DHX35: variants seen among roughly 807,000 people sequenced by gnomAD.
DHX35 encodes DEAH-box helicase 35.
A neutral mutation model predicts 99.6 loss-of-function variants in DHX35; 84 were observed. The observed-to-expected ratio is 0.84, with a 90% CI of 0.71 to 1.01. The LOEUF (loss-of-function observed/expected upper bound fraction) is 1.01. DHX35 is among the 50% of genes least tolerant of loss of function. DHX35 has a pLI of 0.00. For synonymous variants in DHX35, 331 were observed against 316.2 expected, an observed-to-expected ratio of 1.05 and a Z score of -0.50; for missense variants, 852 against 888.5, an observed-to-expected ratio of 0.96 and a Z score of 0.52.
At chr20:39,010,255 A>G in intron 12 of DHX35, 25 bp from the exon 13 acceptor site, 2 of 1,614,030 alleles carry the variant, frequency 1.2e-6, no homozygotes, top group Non-Finnish European at 1.7e-6. Context: ...TTTGGTCCCA[A>G]ACAGTTCTGA....
At chr20:38,978,363 A>T in intron 3 of DHX35, 2 of 726,196 alleles carry the variant, frequency 2.8e-6, no homozygotes, top group Non-Finnish European at 5.1e-6. Flanking sequence ...TTAGTTCACA[A>T]CCAAAAAGAT....
At chr20:38,999,422 A>T (rs2086482373) in intron 8 of DHX35, among the ~76,000 whole-genome samples, 1 of 151,952 alleles carries the variant, frequency 6.6e-6, no homozygotes, top group African/African-American at 2.4e-5. Context: ...GGCAGTCTTG[A>T]CTGTGTGCTT....
intron 14 of DHX35, among the ~76,000 whole-genome samples, chr20:39,017,303 TTCAGCTGGATTTACATAAGA>T (rs1365388835): frequency 6.6e-6 from 1 of 152,198 alleles, no homozygotes; most frequent in East Asian, 1.9e-4. Flanking sequence ...TTAAAAGACC[TTCAGCTGGATTTACATAAGA>T]TCAGCCTGGA....
At chr20:39,026,129 C>T (rs991532149) in intron 18 of DHX35, among the ~76,000 whole-genome samples, 27 of 152,186 alleles carry the variant, frequency 1.8e-4, no homozygotes, top group Admixed American at 1.0e-3. Context: ...GCCACATCCT[C>T]AGCACCATTA....
chr20:38,962,521 G>A (rs1334653582), intron 1 of DHX35, 114 bp downstream of exon 1: 1 of 1,327,456 alleles, frequency 7.5e-7, no homozygotes, highest in Admixed American at 2.2e-5. Context: ...TCGGCGAGCT[G>A]GGCGCTGCCG....
At chr20:38,965,780 G>A (rs1322781425) in intron 1 of DHX35, among the ~76,000 whole-genome samples, 1 of 152,174 alleles carries the variant, frequency 6.6e-6, no homozygotes, top group Admixed American at 6.5e-5. Flanking sequence ...GGCCTTGTAT[G>A]ACCTGCCTGA....
chr20:38,993,565 A>G (rs1049876868), intron 7 of DHX35, among the ~76,000 whole-genome samples: 4 of 152,008 alleles, frequency 2.6e-5, no homozygotes, highest in Non-Finnish European at 4.4e-5. Context: ...TGGTTCCTCC[A>G]TGTTAGTCAG....
chr20:38,994,165 T>C (rs1345302475), intron 7 of DHX35, among the ~76,000 whole-genome samples: 1 of 152,212 alleles, frequency 6.6e-6, no homozygotes, highest in African/African-American at 2.4e-5. Flanking sequence ...AAGGGAATTA[T>C]TGTACCATGT....
intron 6 of DHX35, among the ~76,000 whole-genome samples, chr20:38,991,890 C>A (rs1359810495): frequency 6.6e-6 from 1 of 152,204 alleles, no homozygotes; most frequent in Admixed American, 6.5e-5. Flanking sequence ...CTGTCACTCA[C>A]AGCATTAAAG....
At position 38,999,549 on chromosome 20, in the gene DHX35, C is replaced by T. The variant is rs182084336; in HGVS notation, c.643-2181C>T. Among the ~76,000 whole-genome samples the T allele has an allele frequency of 1.8e-3, 267 of 152,288 alleles. 4 individuals carry two copies. Among genetic ancestry groups the T allele is most frequent in the Non-Finnish European group, 4.4e-4 (30 of 68,028 alleles). Reference sequence around the variant, plus strand: ...TTCTCATGATCATAGTCATTTAGGCCAAGACCTCCATTGCTTTAAGAAGTT... The same window carrying T: ...TTCTCATGATCATAGTCATTTAGGCTAAGACCTCCATTGCTTTAAGAAGTT... On this transcript the variant is annotated intron_variant, in intron 8 of 21. Transcript: ENST00000252011.
intron 1 of DHX35, among the ~76,000 whole-genome samples, chr20:38,963,923 T>G (rs768295636): frequency 6.6e-6 from 1 of 152,046 alleles, no homozygotes; most frequent in African/African-American, 2.4e-5. Context: ...GCCCATCATG[T>G]CTACCACTTA....
At chr20:38,971,636 T>G (rs2085998512) in intron 2 of DHX35, among the ~76,000 whole-genome samples, 1 of 152,184 alleles carries the variant, frequency 6.6e-6, no homozygotes, top group South Asian at 2.1e-4. Context: ...AGCTTCTTGT[T>G]TTGTTTTGTT....
At chr20:39,008,173 G>A (rs999721150) in intron 12 of DHX35, among the ~76,000 whole-genome samples, 13 of 152,170 alleles carry the variant, frequency 8.5e-5, no homozygotes, top group African/African-American at 1.9e-4. Context: ...GCTTCTTTTA[G>A]CATAATGGTT....
At chr20:39,002,943 T>C (rs991858202) in intron 10 of DHX35, 75 bp downstream of exon 10, 6 of 1,248,164 alleles carry the variant, frequency 4.8e-6, no homozygotes, top group Non-Finnish European at 6.9e-6. Flanking sequence ...CTTGTTACTT[T>C]ACTCAGTCAT....
At chr20:38,980,821 T>G (rs189938734) in intron 3 of DHX35, among the ~76,000 whole-genome samples, 1 of 152,312 alleles carries the variant, frequency 6.6e-6, no homozygotes, top group African/African-American at 2.4e-5. Context: ...GTTTTCTTAC[T>G]AAGGTTCTTT....
chr20:39,029,024 C>G (rs1436746420), intron 19 of DHX35, among the ~76,000 whole-genome samples: 1 of 152,160 alleles, frequency 6.6e-6, no homozygotes, highest in Admixed American at 6.5e-5. Context: ...TCATTGATGC[C>G]TTCCTAATGG....
At chr20:39,024,737 A>G (rs1170770122) in intron 17 of DHX35, among the ~76,000 whole-genome samples, 1 of 152,276 alleles carries the variant, frequency 6.6e-6, no homozygotes, top group Non-Finnish European at 1.5e-5. Context: ...ACTCTAAGAC[A>G]TAATGATCAT....
chr20:39,003,464 A>G (rs8121775), intron 10 of DHX35, among the ~76,000 whole-genome samples: 51,220 of 152,086 alleles, frequency 0.34, 8,732 homozygotes, highest in Middle Eastern at 0.51. Context: ...ATGTATGCTG[A>G]GTAAAATAGT....
intron 13 of DHX35, among the ~76,000 whole-genome samples, chr20:39,014,018 G>A (rs1214008173): frequency 6.6e-6 from 1 of 152,192 alleles, no homozygotes; most frequent in Non-Finnish European, 1.5e-5. Flanking sequence ...TTGTTCAGCT[G>A]TCTTTTCCTT....
Sources: allele counts gnomAD v4.1 joint callset (sites outside exome capture counted in the v4.1 genomes callset), GRCh38; gene constraint gnomAD v4.1.1; transcripts MANE v1.5; gene names NCBI Gene and HGNC (gene_info 2026-07-23, HGNC 2026-07-21).